The following CBX2 variants were observed in gnomAD, a reference collection of about 807,000 sequenced individuals.
CBX2 encodes the protein chromobox 2.
A neutral mutation model predicts 21.0 loss-of-function variants in CBX2; 11 were observed. The ratio of observed to expected loss-of-function variants is 0.52; its 90% CI spans 0.33 to 0.87. CBX2 has a LOEUF of 0.87. Among genes scored for constraint, CBX2 ranks in the 40% least tolerant of loss-of-function variants. The pLI, the probability that CBX2 is intolerant of heterozygous loss-of-function variation, is 0.02. For missense variants in CBX2, 746 were observed against 724.3 expected (o/e 1.03, Z -0.34); for synonymous variants, 364 against 304.6 (o/e 1.19, Z -2.03).
intron 3 of CBX2, among the ~76,000 whole-genome samples, chr17:79,781,048 G>T (rs1907148233): frequency 7.5e-6 from 1 of 132,488 alleles, no homozygotes; most frequent in African/African-American, 2.8e-5. Context: ...AGGTGTGGAG[G>T]CTCTTCTGGG....
Position 79,784,859 on chromosome 17 carries a change from C to T in CBX2, c.1416C>T (p.Asp472=). The T allele has an allele frequency of 6.2e-7, 1 of 1,613,168 alleles. No homozygotes were observed. The highest frequency in any genetic ancestry group is 8.5e-7 in the Non-Finnish European group (1 of 1,179,986). Residue 472 remains aspartate (D), a synonymous_variant, in exon 5 of 5, where the codon GAC becomes GAT. Coordinates refer to ENST00000310942, the MANE Select transcript of CBX2 (RefSeq NM_005189.3). The surrounding 1 kb of genome is among the most constrained non-coding windows in gnomAD (Gnocchi z 5.9). ...EESSSSDSDP[D]SASPPSTGQN... is the part of the protein sequence containing the mutation. Reference sequence around the variant, plus strand: ...GTAGCAGCTCGGACTCCGACCCCGACTCCGCCTCGCCGCCCAGCACTGGAC... The same window carrying T: ...GTAGCAGCTCGGACTCCGACCCCGATTCCGCCTCGCCGCCCAGCACTGGAC...
chr17:79,781,829 C>T, intron 4 of CBX2, 28 bp downstream of exon 4: 2 of 1,614,008 alleles, frequency 1.2e-6, no homozygotes, highest in Non-Finnish European at 1.7e-6. Context: ...GTATGCTGAC[C>T]CCACCTCCCA....
rs374862488 is a variant in CBX2 at position 79,785,064 on chromosome 17, G to A, written c.*22G>A. ...CTGAAGCCCCGGCGCCACCAGCTGC[G>A]CGGTCTTACTCCCCTTCCCTGCCTA... On this transcript the variant is annotated 3_prime_UTR_variant, in exon 5 of 5. Coordinates refer to ENST00000310942, the MANE Select transcript of CBX2 (RefSeq NM_005189.3). The A allele has an allele frequency of 2.9e-4, 463 of 1,580,636 alleles. No homozygotes were observed. The highest frequency in any genetic ancestry group is 3.6e-4 in the Non-Finnish European group (418 of 1,163,266).
At position 79,784,034 on chromosome 17, in the gene CBX2, C is replaced by A. The variant is rs370349052; in HGVS notation, c.591C>A (p.Ala197=). Residue 197 remains alanine (A), a synonymous_variant, in exon 5 of 5, where the codon GCC becomes GCA. Transcript: ENST00000310942. The surrounding 1 kb of genome is among the most constrained non-coding windows in gnomAD (Gnocchi z 5.9). The part of the protein sequence containing the change: ...KTARKDLGAP[A]SKLPPPLSAP... Reference sequence around the variant, plus strand: ...CCCGGAAGGATCTGGGGGCCCCGGCCAGCAAGCTGCCCCCTCCACTCAGCG... The same window carrying A: ...CCCGGAAGGATCTGGGGGCCCCGGCAAGCAAGCTGCCCCCTCCACTCAGCG... 16 of 1,612,948 alleles carry A rather than the reference C, an allele frequency of 9.9e-6. No individual in the cohort carries two copies. Among genetic ancestry groups the A allele is most frequent in the Non-Finnish European group, 1.3e-5 (15 of 1,179,938 alleles).
chr17:79,779,931 CATTT>C (rs370258880), intron 3 of CBX2, among the ~76,000 whole-genome samples: 227 of 152,370 alleles, frequency 1.5e-3, no homozygotes, highest in African/African-American at 5.1e-3. Context: ...AAGAAAGAAA[CATTT>C]ATTTTGCTCT....
Position 79,781,816 on chromosome 17 carries a change from T to C in CBX2, c.288+15T>C. ...CCAAGCTCAAGGTGGGTGGCTGCGC[T>C]GGGTATGCTGACCCCACCTCCCAGC... On this transcript the variant is annotated intron_variant, in intron 4 of 4. Coordinates refer to ENST00000310942, the MANE Select transcript of CBX2 (RefSeq NM_005189.3). The C allele has an allele frequency of 1.2e-6, 2 of 1,613,844 alleles. No homozygotes were observed. Among genetic ancestry groups the C allele is most frequent in the Non-Finnish European group, 1.7e-6 (2 of 1,179,862 alleles).
chr17:79,785,049 G>A lies in CBX2; in HGVS notation c.*7G>A, dbSNP rs377416278. ...CAACCTGAGGCATTACTGAAGCCCCGGCGCCACCAGCTGCGCGGTCTTACT... is the reference window on the plus strand; with the variant it reads ...CAACCTGAGGCATTACTGAAGCCCCAGCGCCACCAGCTGCGCGGTCTTACT... On this transcript the variant is annotated 3_prime_UTR_variant, in exon 5 of 5. Coordinates refer to ENST00000310942, the MANE Select transcript of CBX2 (RefSeq NM_005189.3). The A allele has an allele frequency of 3.6e-5, 58 of 1,596,526 alleles. No individual in the cohort carries two copies. Among genetic ancestry groups the A allele is most frequent in the African/African-American group, 1.3e-4 (10 of 74,832 alleles).
chr17:79,783,250 G>A (rs1907368139), intron 4 of CBX2, among the ~76,000 whole-genome samples: 1 of 152,110 alleles, frequency 6.6e-6, no homozygotes, highest in Non-Finnish European at 1.5e-5. Context: ...TGCCTCTCAT[G>A]GAACTGTGAG....
upstream of CBX2, among the ~76,000 whole-genome samples, chr17:79,777,952 C>G (rs1407587646): frequency 6.9e-6 from 1 of 144,012 alleles, no homozygotes; most frequent in African/African-American, 2.5e-5. Flanking sequence ...CCCGGGGCCC[C>G]GCGCGGGACC....
Position 79,784,634 on chromosome 17 carries a change from T to G in CBX2, c.1191T>G (p.Ile397Met). 1 of 1,612,342 alleles carries G rather than the reference T, an allele frequency of 6.2e-7. No individual in the cohort carries two copies. The highest frequency in any genetic ancestry group is 8.5e-7 in the Non-Finnish European group (1 of 1,179,854). The stretch of plus-strand genomic sequence containing the variant: ...GGAAGGGCACTGGGAGTGGCCTCAT[T>G]GGGGCCAGCGGGGCCACCATGCCCA... ...APGKGTGSGLIGASGATMPTD... is the reference protein window; with the variant it reads ...APGKGTGSGLMGASGATMPTD... Residue 397 changes from isoleucine (I) to methionine (M), a missense_variant, in exon 5 of 5, where the codon ATT becomes ATG. Ile to Met is a conservative substitution (Grantham distance 10). Around this residue, in one of 2 missense-constraint regions of CBX2, gnomAD observed 701 missense variants for 650.7 expected, o/e 1.08. Coordinates refer to ENST00000310942, the MANE Select transcript of CBX2 (RefSeq NM_005189.3). The surrounding 1 kb of genome is among the most constrained non-coding windows in gnomAD (Gnocchi z 5.9).
chr17:79,782,776 T>C (rs1002413780), intron 4 of CBX2, among the ~76,000 whole-genome samples: 4 of 152,172 alleles, frequency 2.6e-5, no homozygotes, highest in African/African-American at 9.7e-5. Context: ...AGATCACTCC[T>C]GTTGAAGTTG....
rs1906900163 is a variant in CBX2, at chr17:79,778,402, G to A, written c.91G>A (p.Val31Ile). The A allele has an allele frequency of 1.9e-6, 3 of 1,576,054 alleles. No individual in the cohort carries two copies. Among genetic ancestry groups the A allele is most frequent in the Non-Finnish European group, 1.7e-6 (2 of 1,166,636 alleles). The stretch of plus-strand genomic sequence containing the variant: ...CCCGCAGGGCAAGCTGGAGTACCTG[G>A]TCAAGTGGCGCGGCTGGTCCTCCAA... Reference protein sequence around the residue: ...RLRKGKLEYLVKWRGWSSKHN... With the variant: ...RLRKGKLEYLIKWRGWSSKHN... The change falls in exon 2 of 5, where the codon GTC (valine) becomes ATC (isoleucine). Residue 31 changes from valine to isoleucine, a missense_variant. Around this residue, in one of 2 missense-constraint regions of CBX2, gnomAD observed 45 missense variants for 73.6 expected, o/e 0.61. Coordinates refer to ENST00000310942, the MANE Select transcript of CBX2 (RefSeq NM_005189.3). This position sits in a 1 kb window ranked among gnomAD's most constrained non-coding sequence, Gnocchi z 4.8.
rs1907553288 is a variant in CBX2 at position 79,785,214 on chromosome 17, C to G, written c.*172C>G. On this transcript the variant is annotated 3_prime_UTR_variant, in exon 5 of 5. Transcript: ENST00000310942. ...GGACTTCTCCCGCACCCCACTCTGT[C>G]CCAGGACATAGGGCAGGGGGCCTCA... 3.1e-6 allele frequency: 2 copies of G among 645,130 alleles called. No individual in the cohort carries two copies. The highest frequency in any genetic ancestry group is 5.5e-6 in the Non-Finnish European group (2 of 361,458). 40.0% of individuals were successfully genotyped at this position (645,130 alleles called of 1,614,324 possible). A position where few individuals can be genotyped will look rare whatever the true frequency, so the allele number is the denominator to read the frequency against.
chr17:79,782,539 C>A, intron 4 of CBX2: 3 of 1,080,518 alleles, frequency 2.8e-6, no homozygotes, highest in South Asian at 2.9e-5. Flanking sequence ...CCTGGACCTT[C>A]GCGTGTTGTG....
intron 3 of CBX2, among the ~76,000 whole-genome samples, chr17:79,781,164 T>A (rs1229947395): frequency 1.3e-5 from 2 of 152,104 alleles, no homozygotes; most frequent in African/African-American, 4.8e-5. Context: ...CAGAGAGGTA[T>A]TTTTAAAAAG....
rs1598223037 is a variant in CBX2 at position 79,781,892 on chromosome 17, A to G, written c.288+91A>G. On this transcript the variant is annotated intron_variant, in intron 4 of 4. Transcript: ENST00000310942. ...GAGGGAGGGTTTGGGGCCCTCAGGA[A>G]GGGGGTGGCACTTCTGCCAACAGTC... is the stretch of plus-strand genomic sequence containing the variant. 4.3e-6 allele frequency: 7 copies of G among 1,614,146 alleles called. 1 individual carries two copies. In the Middle Eastern group the frequency reaches 1.2e-3, roughly 266 times the overall value.
Position 79,779,407 on chromosome 17 carries a change from G to C in CBX2, c.162G>C (p.Leu54=), listed in dbSNP as rs137941885. ...EPEENILDPR[L]LLAFQKKEHE... ...AGGAGAACATCCTGGACCCGAGGCT[G>C]CTCCTGGCCTTCCAGAAGAAGTGAG... Residue 54 remains leucine, a synonymous_variant, in exon 3 of 5, where the codon CTG becomes CTC. Coordinates refer to ENST00000310942, the MANE Select transcript of CBX2 (RefSeq NM_005189.3). 2 of 1,613,592 alleles carry C rather than the reference G, an allele frequency of 1.2e-6. No homozygotes were observed. The highest frequency in any genetic ancestry group is 1.7e-6 in the Non-Finnish European group (2 of 1,179,956).
At position 79,778,595 on chromosome 17, in the gene CBX2, C is replaced by A. The variant is rs1906917338; in HGVS notation, c.116+168C>A. On this transcript the variant is annotated intron_variant, in intron 2 of 4. Transcript: ENST00000310942. This position sits in a 1 kb window ranked among gnomAD's most constrained non-coding sequence, Gnocchi z 4.8. ...GGCTCTGAGGGGGGCGGGGGCCGCC[C>A]GGCCCGAGGTTGCCCTTTGTTTACA... is the stretch of plus-strand genomic sequence containing the variant. Among the ~76,000 whole-genome samples, 1 of 151,600 alleles carries A rather than the reference C, an allele frequency of 6.6e-6. No individual in the cohort carries two copies. Among genetic ancestry groups the A allele is most frequent in the Non-Finnish European group, 1.5e-5 (1 of 67,818 alleles).
chr17:79,781,160 G>C (rs111439483), intron 3 of CBX2, among the ~76,000 whole-genome samples: 4 of 152,148 alleles, frequency 2.6e-5, no homozygotes, highest in African/African-American at 9.7e-5. Context: ...GGAACAGAGA[G>C]GTATTTTTAA....
Sources: allele counts gnomAD v4.1 joint callset (sites outside exome capture counted in the v4.1 genomes callset), GRCh38; gene constraint gnomAD v4.1.1; regional missense constraint gnomAD v4.1.1; non-coding constraint Gnocchi (gnomAD v3.1); transcripts MANE v1.5; gene names NCBI Gene and HGNC (gene_info 2026-07-23, HGNC 2026-07-21).